CD58: variants seen among roughly 807,000 people sequenced by gnomAD.
CD58 encodes lymphocyte function-associated antigen 3.
In CD58, 14 loss-of-function variants were observed where a neutral mutation model predicts 27.6. That is an observed-to-expected ratio of 0.51 (90% confidence interval 0.34 to 0.79). CD58 has a LOEUF of 0.79. Ranked by LOEUF, CD58 falls within the 30% of genes least tolerant of loss-of-function variation. The probability of loss-of-function intolerance (pLI) is 0.02; values close to 1 mark genes in which losing one functional copy is unlikely to be tolerated. For missense variants in CD58, 268 were observed against 301.7 expected, an observed-to-expected ratio of 0.89 and a Z score of 0.83; for synonymous variants, 117 against 103.8, an observed-to-expected ratio of 1.13 and a Z score of -0.77.
At chr1:116,544,127 A>G (rs1216374475) in intron 2 of CD58, among the ~76,000 whole-genome samples, 184 bp downstream of exon 2, 2 of 152,120 alleles carry the variant, frequency 1.3e-5, no homozygotes, top group African/African-American at 4.8e-5. Flanking sequence ...TTCTCTCCTC[A>G]CCCAGAGGAA....
At position 116,551,089 on chromosome 1, in the gene CD58, A is replaced by G. The variant is rs140048653; in HGVS notation, c.71-6485T>C. Among the ~76,000 whole-genome samples, 478 of 152,256 alleles carry G rather than the reference A, an allele frequency of 3.1e-3. 1 individual carries two copies. Among genetic ancestry groups the G allele is most frequent in the African/African-American group, 8.7e-3 (360 of 41,542 alleles). On this transcript the variant is annotated intron_variant, in intron 1 of 5. Transcript: ENST00000369489. ...GCACAAGCAGAATAGATTTAGCCTA[A>G]TTCTTAAGGGCCCTAAAAATTTTCA...
chr1:116,554,363 A>C (rs1171237701), intron 1 of CD58, among the ~76,000 whole-genome samples: 1 of 152,088 alleles, frequency 6.6e-6, no homozygotes, highest in Non-Finnish European at 1.5e-5. Flanking sequence ...AGTTATAGAA[A>C]TATATATGCA....
In CD58 at chr1:116,521,961, T is replaced by C; in HGVS notation, c.651A>G (p.Ala217=). 2 of 1,576,854 alleles carry C rather than the reference T, an allele frequency of 1.3e-6. No individual in the cohort carries two copies. The highest frequency in any genetic ancestry group is 8.7e-7 in the Non-Finnish European group (1 of 1,149,194). ...TTACTGCTAATGGTATGGGTATAAG[T>C]GCATATCTGTGTCTTGAATGACCTA... is the stretch of plus-strand genomic sequence containing the variant. ...PSSGHSRHRY[A]LIPIPLAVIT... Residue 217 remains alanine, a synonymous_variant, in exon 4 of 6, where the codon GCA becomes GCG. Transcript: ENST00000369489. This position sits in a 1 kb window ranked among gnomAD's most constrained non-coding sequence, Gnocchi z 5.6.
chr1:116,569,178 G>A (rs1048446116), intron 1 of CD58, among the ~76,000 whole-genome samples: 2 of 152,162 alleles, frequency 1.3e-5, no homozygotes, highest in African/African-American at 4.8e-5. Flanking sequence ...TTGCCTGGAG[G>A]AGAGTTACCC....
At chr1:116,529,958 G>A (rs1456653853) in intron 3 of CD58, among the ~76,000 whole-genome samples, 1 of 152,168 alleles carries the variant, frequency 6.6e-6, no homozygotes, top group African/African-American at 2.4e-5. Flanking sequence ...ATGAGATAAT[G>A]AGGTAAAAAA....
Position 116,536,137 on chromosome 1 carries a change from T to G in CD58, c.456A>C (p.Arg152=). 1 of 1,613,682 alleles carries G rather than the reference T, an allele frequency of 6.2e-7. No individual in the cohort carries two copies. Among genetic ancestry groups the G allele is most frequent in the Admixed American group, 1.7e-5 (1 of 60,024 alleles). Residue 152 remains arginine (R), a synonymous_variant, in exon 3 of 6, where the codon CGA becomes CGC. Transcript: ENST00000369489. This position sits in a 1 kb window ranked among gnomAD's most constrained non-coding sequence, Gnocchi z 5.4. ...CMIPEHYNSH[R]GLIMYSWDCP... Reference sequence around the variant, plus strand: ...AATCCCATGAGTACATTATAAGTCCTCGATGGCTGTTGTAATGCTCTGGTA... The same window carrying G: ...AATCCCATGAGTACATTATAAGTCCGCGATGGCTGTTGTAATGCTCTGGTA...
At chr1:116,558,334 G>A (rs558336043) in intron 1 of CD58, among the ~76,000 whole-genome samples, 1 of 152,108 alleles carries the variant, frequency 6.6e-6, no homozygotes, top group Non-Finnish European at 1.5e-5. Flanking sequence ...TGAGCAGATG[G>A]ATTTCTCATC....
chr1:116,570,616 G>A lies in CD58; in HGVS notation c.70+287C>T, dbSNP rs1659109113. On this transcript the variant is annotated intron_variant, in intron 1 of 5. Coordinates refer to ENST00000369489, the MANE Select transcript of CD58 (RefSeq NM_001779.3). The surrounding 1 kb of genome is among the most constrained non-coding windows in gnomAD (Gnocchi z 6.4). ...GAACTTGGTCACTGGAGCTCGGGAGGGGGCCGGCGGGGGGGCGCAGGCCCC... is the reference window on the plus strand; with the variant it reads ...GAACTTGGTCACTGGAGCTCGGGAGAGGGCCGGCGGGGGGGCGCAGGCCCC... Among the ~76,000 whole-genome samples the A allele has an allele frequency of 2.0e-5, 3 of 152,168 alleles. No individual in the cohort carries two copies. Among genetic ancestry groups the A allele is most frequent in the Admixed American group, 2.0e-4 (3 of 15,290 alleles).
chr1:116,564,729 A>G (rs1658876490), intron 1 of CD58, among the ~76,000 whole-genome samples: 1 of 152,210 alleles, frequency 6.6e-6, no homozygotes, highest in African/African-American at 2.4e-5. Flanking sequence ...ATCTCCACCT[A>G]GCCCTGCCCT....
chr1:116,535,240 AATG>A (rs1319809435), intron 3 of CD58, among the ~76,000 whole-genome samples: 3 of 152,214 alleles, frequency 2.0e-5, no homozygotes, highest in African/African-American at 7.2e-5. Context: ...TTCAGAACAT[AATG>A]ATATTATAAC....
At position 116,544,353 on chromosome 1, in the gene CD58, G is replaced by A. The variant is rs542697728; in HGVS notation, c.322C>T (p.Pro108Ser). 6.2e-7 allele frequency: 1 copy of A among 1,610,472 alleles called. No individual in the cohort carries two copies. Among genetic ancestry groups the A allele is most frequent in the East Asian group, 2.2e-5 (1 of 44,838 alleles). The change falls in exon 2 of 6, where the codon CCA (proline) becomes TCA (serine). Residue 108 changes from proline to serine, a missense_variant. By Grantham distance (74) the Pro-to-Ser change is moderately conservative. Transcript: ENST00000369489. ...AACTTCATGGTATCAGTAATATTTG[G>A]CGATTCCATTTCATACTCATCTTCA... The part of the protein sequence containing the change: ...SDEDEYEMES[P>S]NITDTMKFFL...
At chr1:116,539,500 G>A (rs1398498985) in intron 2 of CD58, among the ~76,000 whole-genome samples, 1 of 151,682 alleles carries the variant, frequency 6.6e-6, no homozygotes, top group Non-Finnish European at 1.5e-5. Flanking sequence ...CCACATGCAG[G>A]GTTTGTAAAA....
In CD58 at chr1:116,550,414, G is replaced by A. The variant is rs574208570; in HGVS notation, c.71-5810C>T. Among the ~76,000 whole-genome samples, 2 of 152,216 alleles carry A rather than the reference G, an allele frequency of 1.3e-5. No homozygotes were observed. The highest frequency in any genetic ancestry group is 6.5e-5 in the Admixed American group (1 of 15,284). On this transcript the variant is annotated intron_variant, in intron 1 of 5. Transcript: ENST00000369489. The surrounding 1 kb of genome is among the most constrained non-coding windows in gnomAD (Gnocchi z 4.2). ...TTCACCAGGAGTATAGATGCCATCT[G>A]AAGAAACCACTTTCTTTGCTCATCC...
chr1:116,527,503 T>C lies in CD58; in HGVS notation c.629-5520A>G, dbSNP rs1194420495. The stretch of plus-strand genomic sequence containing the variant: ...TTAATTGATTTTCATATGTTGAACC[T>C]GCCTTGCACACCTGAGATAAATACC... On this transcript the variant is annotated intron_variant, in intron 3 of 5. Transcript: ENST00000369489. This position sits in a 1 kb window ranked among gnomAD's most constrained non-coding sequence, Gnocchi z 4.4. Among the ~76,000 whole-genome samples the C allele has an allele frequency of 6.6e-6, 1 of 152,218 alleles. No individual in the cohort carries two copies. The highest frequency in any genetic ancestry group is 1.5e-5 in the Non-Finnish European group (1 of 68,018).
intron 2 of CD58, among the ~76,000 whole-genome samples, chr1:116,542,989 G>GAAC (rs1211226824): frequency 6.6e-6 from 1 of 152,210 alleles, no homozygotes; most frequent in Non-Finnish European, 1.5e-5. Flanking sequence ...GTGGGTAAGT[G>GAAC]AACAGGCTAG....
chr1:116,528,382 T>C lies in CD58; in HGVS notation c.629-6399A>G, dbSNP rs1033852141. The stretch of plus-strand genomic sequence containing the variant: ...TAGGAGTAAGATCAAAGGGTGTTTT[T>C]TTGAGGCTCTACCTTCAGTGACTTA... On this transcript the variant is annotated intron_variant, in intron 3 of 5. Transcript: ENST00000369489. This position sits in a 1 kb window ranked among gnomAD's most constrained non-coding sequence, Gnocchi z 4.4. 2.0e-5 allele frequency among the ~76,000 whole-genome samples: 3 copies of C among 152,208 alleles called. No individual in the cohort carries two copies. The highest frequency in any genetic ancestry group is 7.2e-5 in the African/African-American group (3 of 41,454).
chr1:116,518,544 A>G (rs1415727408), intron 5 of CD58, among the ~76,000 whole-genome samples: 2 of 151,986 alleles, frequency 1.3e-5, no homozygotes, highest in South Asian at 4.2e-4. Flanking sequence ...CTAATGCCTC[A>G]ACACTCTCTG....
rs1319899578 is a variant in CD58, at chr1:116,524,773, C to A, written c.629-2790G>T. ...CATTACAATTTTTTTCTTTATAGTT[C>A]TTTTTATCCTTAGAATGCAGCCCCT... On this transcript the variant is annotated intron_variant, in intron 3 of 5. Transcript: ENST00000369489. This position sits in a 1 kb window ranked among gnomAD's most constrained non-coding sequence, Gnocchi z 4.6. 6.6e-6 allele frequency among the ~76,000 whole-genome samples: 1 copy of A among 152,138 alleles called. No individual in the cohort carries two copies. Among genetic ancestry groups the A allele is most frequent in the Non-Finnish European group, 1.5e-5 (1 of 68,000 alleles).
Position 116,514,615 on chromosome 1 carries a change from A to G in CD58, c.*198T>C, listed in dbSNP as rs998812710. 2.3e-5 allele frequency: 12 copies of G among 520,226 alleles called. No homozygotes were observed. Among genetic ancestry groups the G allele is most frequent in the African/African-American group, 1.6e-4 (8 of 50,820 alleles). 32.2% of individuals were successfully genotyped at this position (520,226 alleles called of 1,614,324 possible). A position where few individuals can be genotyped will look rare whatever the true frequency, so the allele number is the denominator to read the frequency against. On this transcript the variant is annotated 3_prime_UTR_variant, in exon 6 of 6. Coordinates refer to ENST00000369489, the MANE Select transcript of CD58 (RefSeq NM_001779.3). ...CAATTTACTGACAAAAAAAGCAAGC[A>G]CCTAGTCATATAATAAGTTGATGAC...
Sources: gnomAD v4.1 joint callset for allele counts (sites outside exome capture counted in the v4.1 genomes callset) on GRCh38, gnomAD v4.1.1 for gene constraint, Gnocchi (gnomAD v3.1) non-coding constraint, MANE v1.5 for transcripts, NCBI Gene and HGNC (gene_info 2026-07-23, HGNC 2026-07-21) for gene names.